CACNG5: variants seen among roughly 807,000 people sequenced by gnomAD.
CACNG5 encodes calcium voltage-gated channel auxiliary subunit gamma 5, also known as voltage-dependent calcium channel gamma-5 subunit.
CACNG5 carries 18 observed loss-of-function variants against 24.8 expected under a neutral mutation model. That is an observed-to-expected ratio of 0.73 (90% CI 0.50 to 1.08). The LOEUF (loss-of-function observed/expected upper bound fraction) is 1.08, where lower values mean the gene tolerates loss of function less well. Among genes scored for constraint, CACNG5 ranks in the 50% least tolerant of loss-of-function variants. CACNG5 has a pLI of 0.00. For synonymous variants in CACNG5, 157 were observed against 149.1 expected (o/e 1.05, Z -0.39); for missense variants, 349 against 367.9 (o/e 0.95, Z 0.42).
chr17:66,877,633 T>G (rs1977102620), intron 2 of CACNG5, 105 bp downstream of exon 2: 1 of 921,986 alleles, frequency 1.1e-6, no homozygotes, highest in South Asian at 1.6e-5. Context: ...AGGAGACCAT[T>G]CACCACGGAT....
At position 66,888,799 on chromosome 17, in the gene CACNG5, T is replaced by G. The variant is rs2143142714; in HGVS notation, c.*3559T>G. Among the ~76,000 whole-genome samples the G allele has an allele frequency of 6.6e-6, 1 of 152,084 alleles. No individual in the cohort carries two copies. Among genetic ancestry groups the G allele is most frequent in the East Asian group, 1.9e-4 (1 of 5,146 alleles). ...AGAAGAGGTTATCTTGGGGCTGACA[T>G]CTCTCTGGTTGGAGGGAAGGTTATC... On this transcript the variant is annotated 3_prime_UTR_variant, in exon 6 of 6. Coordinates refer to ENST00000533854, the MANE Select transcript of CACNG5 (RefSeq NM_145811.3).
At chr17:66,865,781 C>T (rs1199622594) in intron 1 of CACNG5, among the ~76,000 whole-genome samples, 1 of 151,044 alleles carries the variant, frequency 6.6e-6, no homozygotes, top group Non-Finnish European at 1.5e-5. Flanking sequence ...AGGCGCCCAC[C>T]ACCATGCACG....
At chr17:66,838,922 C>G (rs991314149) in intron 1 of CACNG5, among the ~76,000 whole-genome samples, 3 of 148,984 alleles carry the variant, frequency 2.0e-5, no homozygotes, top group Non-Finnish European at 3.0e-5. Context: ...TGGTCTCTAT[C>G]CATGAGATGC....
rs71160595 is a variant in CACNG5 at position 66,838,960 on chromosome 17, C to CTTTTTTTTTTTTTTTTTTTTTTTTT, written c.-104+3729_-104+3730insTTTTTTTTTTTTTTTTTTTTTTTTT. On this transcript the variant is annotated intron_variant, in intron 1 of 5. Transcript: ENST00000533854. ...GTAGCACCCCAGTCCCTCACCCATT[C>CTTTTTTTTTTTTTTTTTTTTTTTTT]TTTTTTTTTTTTTTTTTTTGAGACA... Among the ~76,000 whole-genome samples, 8 of 88,094 alleles carry CTTTTTTTTTTTTTTTTTTTTTTTTT rather than the reference C, an allele frequency of 9.1e-5. 1 individual carries two copies. The highest frequency in any genetic ancestry group is 1.7e-4 in the Non-Finnish European group (8 of 47,306). The allele number at this position is 88,094 out of a possible 152,430, so 57.8% of individuals were successfully genotyped here.
chr17:66,849,262 G>C, intron 1 of CACNG5, among the ~76,000 whole-genome samples: 2 of 152,062 alleles, frequency 1.3e-5, no homozygotes, highest in East Asian at 3.9e-4. Flanking sequence ...GCATTGTTGT[G>C]GGGAGGGTGA....
chr17:66,870,333 G>T (rs963747490), intron 1 of CACNG5, among the ~76,000 whole-genome samples: 3 of 152,152 alleles, frequency 2.0e-5, no homozygotes, highest in Admixed American at 1.3e-4. Context: ...CTGGCTGGAA[G>T]TTTAATTGGG....
Position 66,890,196 on chromosome 17 carries a change from C to G in CACNG5, c.*4956C>G, listed in dbSNP as rs184196816. 2.6e-5 allele frequency among the ~76,000 whole-genome samples: 4 copies of G among 152,260 alleles called. No homozygotes were observed. The highest frequency in any genetic ancestry group is 5.9e-5 in the Non-Finnish European group (4 of 68,000). ...TGTCTAATGCACCTGTGCCTGAGGCCCGGCTAGCACTGTGAGTGTGGGTTC... is the reference window on the plus strand; with the variant it reads ...TGTCTAATGCACCTGTGCCTGAGGCGCGGCTAGCACTGTGAGTGTGGGTTC... On this transcript the variant is annotated 3_prime_UTR_variant, in exon 6 of 6. Coordinates refer to ENST00000533854, the MANE Select transcript of CACNG5 (RefSeq NM_145811.3).
In CACNG5 at chr17:66,840,295, G is replaced by A. The variant is rs538060327; in HGVS notation, c.-104+5045G>A. Among the ~76,000 whole-genome samples, 23 of 152,312 alleles carry A rather than the reference G, an allele frequency of 1.5e-4. No homozygotes were observed. The East Asian group carries it at 2.5e-3, about 17-fold the overall frequency. On this transcript the variant is annotated intron_variant, in intron 1 of 5. Coordinates refer to ENST00000533854, the MANE Select transcript of CACNG5 (RefSeq NM_145811.3). ...AGCAATGCCATCTGCTGAGGTCAAA[G>A]CCAATATCCCAGGAGGTCAGGGGAA... is the stretch of plus-strand genomic sequence containing the variant.
intron 1 of CACNG5, among the ~76,000 whole-genome samples, chr17:66,860,155 TGA>T (rs1976833895): frequency 6.6e-6 from 1 of 152,088 alleles, no homozygotes; most frequent in South Asian, 2.1e-4. Flanking sequence ...AGAACCAGGC[TGA>T]GAGGTGAATG....
Position 66,862,878 on chromosome 17 carries a change from T to A in CACNG5, c.-103-14352T>A, listed in dbSNP as rs1307677364. Among the ~76,000 whole-genome samples, 3 of 139,012 alleles carry A rather than the reference T, an allele frequency of 2.2e-5. No individual in the cohort carries two copies. In the East Asian group the frequency reaches 6.8e-4, roughly 32 times the overall value. The allele number at this position is 139,012 out of a possible 152,430, so 91.2% of individuals were successfully genotyped here. A position where few individuals can be genotyped will look rare whatever the true frequency, so the allele number is the denominator to read the frequency against. On this transcript the variant is annotated intron_variant, in intron 1 of 5. Transcript: ENST00000533854. ...GAGTGCTGCATCTTACAACCTTGTC[T>A]GCCAGCATATTCTCTGTGTGTGTGT...
Position 66,894,359 on chromosome 17 carries a change from A to G in CACNG5, c.*9119A>G, listed in dbSNP as rs1374610229. ...GAAAAAGTGATGGGGAAAATGAAGT[A>G]CTCATAATAATTTACCCTGTGATCC... On this transcript the variant is annotated 3_prime_UTR_variant, in exon 6 of 6. Coordinates refer to ENST00000533854, the MANE Select transcript of CACNG5 (RefSeq NM_145811.3). Among the ~76,000 whole-genome samples, 1 of 152,144 alleles carries G rather than the reference A, an allele frequency of 6.6e-6. No individual in the cohort carries two copies. Among genetic ancestry groups the G allele is most frequent in the Non-Finnish European group, 1.5e-5 (1 of 68,024 alleles).
intron 1 of CACNG5, among the ~76,000 whole-genome samples, chr17:66,854,025 G>A (rs897705103): frequency 6.6e-6 from 1 of 151,900 alleles, no homozygotes; most frequent in East Asian, 1.9e-4. Flanking sequence ...AAATCCAAAG[G>A]AACATTATGC....
chr17:66,884,829 T>C, intron 5 of CACNG5, 154 bp from the exon 6 acceptor site: 1 of 1,613,316 alleles, frequency 6.2e-7, no homozygotes, highest in Non-Finnish European at 8.5e-7. Context: ...CTTACCTTTC[T>C]GGGTCTCCTC....
At chr17:66,854,898 A>G (rs963361767) in intron 1 of CACNG5, among the ~76,000 whole-genome samples, 1 of 152,214 alleles carries the variant, frequency 6.6e-6, no homozygotes, top group African/African-American at 2.4e-5. Context: ...AAAATAGCCA[A>G]ACATAAAAAG....
In CACNG5 at chr17:66,894,253, CCCTTGGGAGGATCCTGCACATCCTT is replaced by C. The variant is rs1977383462; in HGVS notation, c.*9017_*9041del. Among the ~76,000 whole-genome samples, 2 of 152,136 alleles carry C rather than the reference CCCTTGGGAGGATCCTGCACATCCTT, an allele frequency of 1.3e-5. No individual in the cohort carries two copies. Among genetic ancestry groups the C allele is most frequent in the Non-Finnish European group, 2.9e-5 (2 of 68,034 alleles). ...CAAGGACTCCTTTCAATCTGTCACC[CCCTTGGGAGGATCCTGCACATCCTT>C]CCTCAGTGGATCCTTAGAAACTCAA... On this transcript the variant is annotated 3_prime_UTR_variant, in exon 6 of 6. Coordinates refer to ENST00000533854, the MANE Select transcript of CACNG5 (RefSeq NM_145811.3).
Position 66,885,465 on chromosome 17 carries a change from A to G in CACNG5, c.*225A>G, listed in dbSNP as rs73335105. ...GTGGGCAAGCTGATTGTCTGGGAAC[A>G]TGGGAGAAGCCCCGCCCATGTGAGT... On this transcript the variant is annotated 3_prime_UTR_variant, in exon 6 of 6. Transcript: ENST00000533854. The G allele has an allele frequency of 0.012, 6,612 of 555,050 alleles. 351 individuals carry two copies. The highest frequency in any genetic ancestry group is 0.11 in the African/African-American group (5,985 of 53,348). 34.4% of individuals were successfully genotyped at this position (555,050 alleles called of 1,614,324 possible). A position where few individuals can be genotyped will look rare whatever the true frequency, so the allele number is the denominator to read the frequency against.
rs746476317 is a variant in CACNG5, at chr17:66,878,968, A to G, written c.197-4A>G. 3.7e-6 allele frequency: 6 copies of G among 1,609,184 alleles called. No individual in the cohort carries two copies. The highest frequency in any genetic ancestry group is 1.7e-5 in the Admixed American group (1 of 59,928). Reference sequence around the variant, plus strand: ...ACCTGGAAATGTGATTCTTGTCTCCACAGGTGAGGAGCGGGGGCGTTGCTT... The same window carrying G: ...ACCTGGAAATGTGATTCTTGTCTCCGCAGGTGAGGAGCGGGGGCGTTGCTT... On this transcript the variant is annotated splice_polypyrimidine_tract_variant and splice_region_variant and intron_variant, in intron 2 of 5. Transcript: ENST00000533854.
At chr17:66,870,937 G>A (rs1976997337) in intron 1 of CACNG5, among the ~76,000 whole-genome samples, 1 of 151,684 alleles carries the variant, frequency 6.6e-6, no homozygotes, top group South Asian at 2.1e-4. Context: ...CGGAGATCAT[G>A]CCATTGCACC....
Position 66,862,886 on chromosome 17 carries a change from T to G in CACNG5, c.-103-14344T>G, listed in dbSNP as rs551091622. ...CATCTTACAACCTTGTCTGCCAGCA[T>G]ATTCTCTGTGTGTGTGTGTGTGTGT... On this transcript the variant is annotated intron_variant, in intron 1 of 5. Coordinates refer to ENST00000533854, the MANE Select transcript of CACNG5 (RefSeq NM_145811.3). Among the ~76,000 whole-genome samples the G allele has an allele frequency of 9.8e-4, 86 of 87,486 alleles. 2 individuals carry two copies. Among genetic ancestry groups the G allele is most frequent in the African/African-American group, 5.5e-3 (84 of 15,164 alleles). The allele number at this position is 87,486 out of a possible 152,430, so 57.4% of individuals were successfully genotyped here.
Sources: allele counts gnomAD v4.1 joint callset (sites outside exome capture counted in the v4.1 genomes callset), GRCh38; gene constraint gnomAD v4.1.1; transcripts MANE v1.5; gene names NCBI Gene and HGNC (gene_info 2026-07-23, HGNC 2026-07-21).